Variants in EVI5 observed in about 807,000 individuals in gnomAD.
EVI5 encodes the protein ecotropic viral integration site 5 protein homolog.
Under a neutral mutation model 112.0 loss-of-function variants are expected in EVI5, and 73 were observed. That is an observed-to-expected ratio of 0.65 (90% CI 0.54 to 0.79). The LOEUF (loss-of-function observed/expected upper bound fraction) is 0.79, where lower values mean the gene tolerates loss of function less well. EVI5 is among the 30% of genes least tolerant of loss of function. The probability of loss-of-function intolerance (pLI) is 0.00; values close to 1 mark genes in which losing one functional copy is unlikely to be tolerated. For missense variants in EVI5, 900 were observed against 968.8 expected (o/e 0.93, Z 0.94); for synonymous variants, 305 against 319.9 (o/e 0.95, Z 0.50).
chr1:92,706,735 T>C (rs1458839723), intron 2 of EVI5, among the ~76,000 whole-genome samples: 1 of 152,144 alleles, frequency 6.6e-6, no homozygotes, highest in East Asian at 1.9e-4. Context: ...AAATAGCACA[T>C]CCAATTATAC....
chr1:92,645,125 G>A (rs1660700209), intron 13 of EVI5, among the ~76,000 whole-genome samples: 1 of 152,100 alleles, frequency 6.6e-6, no homozygotes, highest in African/African-American at 2.4e-5. Flanking sequence ...CTACCTTTCA[G>A]TTCTATCAGT....
chr1:92,533,831 T>C (rs1663325922), intron 19 of EVI5, among the ~76,000 whole-genome samples: 1 of 152,130 alleles, frequency 6.6e-6, no homozygotes, highest in African/African-American at 2.4e-5. Context: ...TCATACTGAG[T>C]GGGCAAAAAC....
At chr1:92,670,710 T>C (rs1665727546) in intron 10 of EVI5, among the ~76,000 whole-genome samples, 1 of 152,174 alleles carries the variant, frequency 6.6e-6, no homozygotes, top group South Asian at 2.1e-4. Context: ...CTATTCCTCT[T>C]TCTTCAAACC....
At chr1:92,591,135 A>G (rs1353227162) in intron 18 of EVI5, among the ~76,000 whole-genome samples, 2 of 152,242 alleles carry the variant, frequency 1.3e-5, no homozygotes, top group African/African-American at 2.4e-5. Context: ...GAAAGGAACA[A>G]CTGATACCAG....
At position 92,662,984 on chromosome 1, in the gene EVI5, G is replaced by A. The variant is rs1044017398; in HGVS notation, c.1246-119C>T. ...AAAAAAAAAAAAAAGTCACCTCAGC[G>A]AATAGAACAGCCTACGTAATCATTA... is the stretch of plus-strand genomic sequence containing the variant. On this transcript the variant is annotated intron_variant, in intron 12 of 19. Transcript: ENST00000684568. 22 of 442,408 alleles carry A rather than the reference G, an allele frequency of 5.0e-5. 1 individual carries two copies. The highest frequency in any genetic ancestry group is 4.7e-4 in the African/African-American group (22 of 46,416). 27.4% of individuals were successfully genotyped at this position (442,408 alleles called of 1,614,324 possible).
chr1:92,531,860 C>T (rs1022954565), intron 19 of EVI5, among the ~76,000 whole-genome samples: 9 of 152,194 alleles, frequency 5.9e-5, no homozygotes, highest in Non-Finnish European at 1.2e-4. Context: ...ACCATTGACA[C>T]TATGAAGAAA....
intron 6 of EVI5, among the ~76,000 whole-genome samples, chr1:92,696,980 C>T (rs1670429800): frequency 1.3e-5 from 2 of 152,112 alleles, no homozygotes. Flanking sequence ...GCGGAGCTTG[C>T]AGTGAGCCGA....
At chr1:92,749,821 T>A (rs532911899) in intron 1 of EVI5, among the ~76,000 whole-genome samples, 18 of 152,246 alleles carry the variant, frequency 1.2e-4, no homozygotes, top group Admixed American at 5.2e-4. Flanking sequence ...ATAATCTACA[T>A]CCTGCTAAAA....
At chr1:92,658,017 G>A (rs762418632) in intron 13 of EVI5, among the ~76,000 whole-genome samples, 3 of 152,222 alleles carry the variant, frequency 2.0e-5, no homozygotes, top group Admixed American at 6.5e-5. Flanking sequence ...CTCCAACAAT[G>A]AGGATTACAT....
At chr1:92,735,615 AATT>A (rs1158018667) in intron 2 of EVI5, among the ~76,000 whole-genome samples, 1 of 145,930 alleles carries the variant, frequency 6.9e-6, no homozygotes, top group East Asian at 1.9e-4. Flanking sequence ...TATTATATAT[AATT>A]ATATGATATA....
chr1:92,541,006 G>A (rs541280603), intron 19 of EVI5, among the ~76,000 whole-genome samples: 142 of 152,234 alleles, frequency 9.3e-4, no homozygotes, highest in Non-Finnish European at 1.7e-3. Flanking sequence ...CCCGGGAGGC[G>A]GAGGTTGCAG....
chr1:92,509,186 TA>T lies in EVI5; in HGVS notation c.*4469del, dbSNP rs1372441017. ...AACCTGAATATTACAGTACATTATA[TA>T]AAAGATAAATGAGAATAAGGAACTA... is the stretch of plus-strand genomic sequence containing the variant. On this transcript the variant is annotated 3_prime_UTR_variant, in exon 20 of 20. Transcript: ENST00000684568. The T allele has an allele frequency of 2.0e-5, 3 of 152,540 alleles. No individual in the cohort carries two copies. Among genetic ancestry groups the T allele is most frequent in the Non-Finnish European group, 4.4e-5 (3 of 68,026 alleles). The allele number at this position is 152,540 out of a possible 1,614,324, so 9.4% of individuals were successfully genotyped here.
intron 13 of EVI5, among the ~76,000 whole-genome samples, chr1:92,646,671 C>G (rs1317527393): frequency 2.0e-5 from 3 of 152,152 alleles, no homozygotes; most frequent in African/African-American, 7.2e-5. Context: ...GGATTTCTAG[C>G]CAATAACCGT....
intron 1 of EVI5, among the ~76,000 whole-genome samples, chr1:92,779,102 A>G (rs923424111): frequency 1.3e-5 from 2 of 152,194 alleles, no homozygotes; most frequent in Non-Finnish European, 2.9e-5. Context: ...ACTTCCCATC[A>G]GCTTTCAGTA....
intron 1 of EVI5, among the ~76,000 whole-genome samples, chr1:92,748,704 T>C (rs1679701083): frequency 6.9e-6 from 1 of 144,106 alleles, no homozygotes; most frequent in African/African-American, 2.5e-5. Flanking sequence ...CTTCAAATAA[T>C]TGAGAAAAAA....
intron 18 of EVI5, among the ~76,000 whole-genome samples, chr1:92,583,731 CTCTTT>C (rs974881829): frequency 2.7e-5 from 4 of 148,402 alleles, no homozygotes; most frequent in African/African-American, 1.0e-4. Flanking sequence ...CTCTCTCTCT[CTCTTT>C]TTTTTTTTTT....
In EVI5 at chr1:92,784,884, G is replaced by A; in HGVS notation, c.-130C>T. ...GCCGTAAACATTAACTTCCCATCCA[G>A]CCGGCAGCCGCGCCGCCGCGTCTCA... On this transcript the variant is annotated 5_prime_UTR_variant, in exon 1 of 20. Coordinates refer to ENST00000684568, the MANE Select transcript of EVI5 (RefSeq NM_001350197.2). 1.0e-6 allele frequency: 1 copy of A among 985,940 alleles called. No homozygotes were observed. The highest frequency in any genetic ancestry group is 1.2e-6 in the Non-Finnish European group (1 of 830,448). 61.1% of individuals were successfully genotyped at this position (985,940 alleles called of 1,614,324 possible). A position where few individuals can be genotyped will look rare whatever the true frequency, so the allele number is the denominator to read the frequency against.
intron 1 of EVI5, among the ~76,000 whole-genome samples, chr1:92,761,122 CTA>C (rs1287766286): frequency 4.0e-5 from 6 of 151,606 alleles, no homozygotes; most frequent in South Asian, 4.1e-4. Context: ...GCTCTACCAC[CTA>C]TGTCATATTT....
chr1:92,644,526 T>C (rs1660592872), intron 13 of EVI5, among the ~76,000 whole-genome samples: 1 of 152,190 alleles, frequency 6.6e-6, no homozygotes, highest in East Asian at 1.9e-4. Flanking sequence ...TTTTATTATT[T>C]GTCCATTCTG....
Sources: gnomAD v4.1 joint callset for allele counts (sites outside exome capture counted in the v4.1 genomes callset) on GRCh38, gnomAD v4.1.1 for gene constraint, MANE v1.5 for transcripts, NCBI Gene and HGNC (gene_info 2026-07-23, HGNC 2026-07-21) for gene names.